TRIM59: variants seen among roughly 807,000 people sequenced by gnomAD.
TRIM59 encodes the protein tripartite motif containing 59.
A neutral mutation model predicts 32.2 loss-of-function variants in TRIM59; 14 were observed. The observed-to-expected ratio is 0.43, with a 90% CI of 0.29 to 0.68. TRIM59 has a LOEUF of 0.68. Ranked by LOEUF, TRIM59 falls within the 30% of genes least tolerant of loss-of-function variation. The pLI, the probability that TRIM59 is intolerant of heterozygous loss-of-function variation, is 0.15. For synonymous variants in TRIM59, 163 were observed against 155.1 expected, an observed-to-expected ratio of 1.05 and a Z score of -0.38; for missense variants, 471 against 463.3, an observed-to-expected ratio of 1.02 and a Z score of -0.15.
chr3:160,449,617 A>G (rs1719718323), intron 1 of TRIM59, 100 bp downstream of exon 1: 2 of 1,289,266 alleles, frequency 1.6e-6, no homozygotes, highest in Admixed American at 2.3e-5. Context: ...CGCCCCCAGG[A>G]CTCCCCGCCC....
Position 160,448,749 on chromosome 3 carries a change from G to T in TRIM59, c.-27C>A. ...ACTTTGTTGATCTCGTGGTTTGGGG[G>T]CTGAATACACTCTTCTCCAACTCCT... On this transcript the variant is annotated 5_prime_UTR_variant, in exon 2 of 3. Transcript: ENST00000309784. 7.8e-7 allele frequency: 1 copy of T among 1,280,504 alleles called. No individual in the cohort carries two copies. The highest frequency in any genetic ancestry group is 1.0e-6 in the Non-Finnish European group (1 of 984,654). The allele number at this position is 1,280,504 out of a possible 1,614,324, so 79.3% of individuals were successfully genotyped here. A position where few individuals can be genotyped will look rare whatever the true frequency, so the allele number is the denominator to read the frequency against.
In TRIM59 at chr3:160,436,572, GTGGATC is replaced by G. The variant is rs1718963573; in HGVS notation, c.*1394_*1399del. ...CCAGCATTTTGGGAGGCTGAGGCGA[GTGGATC>G]ATGAGGTCAGGAGATAGAGACCATC... On this transcript the variant is annotated 3_prime_UTR_variant, in exon 3 of 3. Transcript: ENST00000309784. 1.0e-6 allele frequency: 1 copy of G among 953,818 alleles called. No individual in the cohort carries two copies. The highest frequency in any genetic ancestry group is 1.8e-5 in the African/African-American group (1 of 56,716). The allele number at this position is 953,818 out of a possible 1,614,324, so 59.1% of individuals were successfully genotyped here.
rs1222267057 is a variant in TRIM59, at chr3:160,435,992, A to G, written c.*1980T>C. ...TCATTGCTTACGTGTTTTTGAAACTACAGGGCACTTTTATGGTGTGACTAG... is the reference window on the plus strand; with the variant it reads ...TCATTGCTTACGTGTTTTTGAAACTGCAGGGCACTTTTATGGTGTGACTAG... On this transcript the variant is annotated 3_prime_UTR_variant, in exon 3 of 3. Coordinates refer to ENST00000309784, the MANE Select transcript of TRIM59 (RefSeq NM_173084.3). 2.4e-6 allele frequency: 3 copies of G among 1,263,216 alleles called. No individual in the cohort carries two copies. The highest frequency in any genetic ancestry group is 3.1e-6 in the Non-Finnish European group (3 of 977,582). 78.3% of individuals were successfully genotyped at this position (1,263,216 alleles called of 1,614,324 possible).
At chr3:160,442,305 A>AT (rs1350648900) in intron 2 of TRIM59, among the ~76,000 whole-genome samples, 2 of 152,180 alleles carry the variant, frequency 1.3e-5, no homozygotes, top group Admixed American at 1.3e-4. Flanking sequence ...TATTCATGAC[A>AT]TTGTAAAGCA....
chr3:160,449,769 G>A lies in TRIM59; in HGVS notation c.-126C>T, dbSNP rs565045270. On this transcript the variant is annotated 5_prime_UTR_variant, in exon 1 of 3. Coordinates refer to ENST00000309784, the MANE Select transcript of TRIM59 (RefSeq NM_173084.3). ...CCACAGCACGGAAACACAGCGCCAC[G>A]AGCTCCAGGCGGATGCTGAGAGCCG... 1 of 1,278,106 alleles carries A rather than the reference G, an allele frequency of 7.8e-7. No homozygotes were observed. Among genetic ancestry groups the A allele is most frequent in the South Asian group, 1.2e-5 (1 of 80,818 alleles). 79.2% of individuals were successfully genotyped at this position (1,278,106 alleles called of 1,614,324 possible). A position where few individuals can be genotyped will look rare whatever the true frequency, so the allele number is the denominator to read the frequency against.
chr3:160,440,368 T>G (rs1719180190), intron 2 of TRIM59, among the ~76,000 whole-genome samples: 1 of 152,206 alleles, frequency 6.6e-6, no homozygotes, highest in Non-Finnish European at 1.5e-5. Flanking sequence ...CGTATTTCTC[T>G]GAGACAGAAA....
At chr3:160,440,824 T>C (rs1277357860) in intron 2 of TRIM59, among the ~76,000 whole-genome samples, 2 of 152,052 alleles carry the variant, frequency 1.3e-5, no homozygotes, top group African/African-American at 2.4e-5. Context: ...GACAGGAGAA[T>C]TGCTTGAACT....
intron 2 of TRIM59, 56 bp downstream of exon 2, chr3:160,448,670 C>A: frequency 9.9e-7 from 1 of 1,012,722 alleles, no homozygotes; most frequent in East Asian, 6.0e-5. Flanking sequence ...TTAAATCATA[C>A]ACTCTGTAAA....
At chr3:160,441,137 C>T (rs1719216818) in intron 2 of TRIM59, among the ~76,000 whole-genome samples, 1 of 152,138 alleles carries the variant, frequency 6.6e-6, no homozygotes, top group Non-Finnish European at 1.5e-5. Context: ...GATTAGGTCC[C>T]CTGTTATTCT....
At chr3:160,447,473 T>TTTC (rs1394002601) in intron 2 of TRIM59, among the ~76,000 whole-genome samples, 1 of 152,252 alleles carries the variant, frequency 6.6e-6, no homozygotes, top group Non-Finnish European at 1.5e-5. Context: ...CATTTCTGAA[T>TTTC]TTCCAAACTT....
In TRIM59 at chr3:160,436,052, T is replaced by A; in HGVS notation, c.*1920A>T. On this transcript the variant is annotated 3_prime_UTR_variant, in exon 3 of 3. Transcript: ENST00000309784. ...TAATCAGTGCAACTTAGTATTTTTA[T>A]CTCTAGCTGAGTATGTGTCTCTCCT... The A allele has an allele frequency of 1.7e-6, 2 of 1,178,854 alleles. No homozygotes were observed. The highest frequency in any genetic ancestry group is 1.7e-5 in the South Asian group (1 of 60,606). 73.0% of individuals were successfully genotyped at this position (1,178,854 alleles called of 1,614,324 possible).
rs1304570200 is a variant in TRIM59, at chr3:160,436,846, T to C, written c.*1126A>G. The C allele has an allele frequency of 3.3e-6, 3 of 915,196 alleles. No individual in the cohort carries two copies. The highest frequency in any genetic ancestry group is 6.2e-5 in the Admixed American group (1 of 16,094). The allele number at this position is 915,196 out of a possible 1,614,324, so 56.7% of individuals were successfully genotyped here. A position where few individuals can be genotyped will look rare whatever the true frequency, so the allele number is the denominator to read the frequency against. On this transcript the variant is annotated 3_prime_UTR_variant, in exon 3 of 3. Coordinates refer to ENST00000309784, the MANE Select transcript of TRIM59 (RefSeq NM_173084.3). ...AAAAAGATTAAGTTGTTGGTACTTT[T>C]GCATTAGCTTAAGGGAATGTGGTAG...
Position 160,437,206 on chromosome 3 carries a change from A to G in TRIM59, c.*766T>C, listed in dbSNP as rs572979242. On this transcript the variant is annotated 3_prime_UTR_variant, in exon 3 of 3. Coordinates refer to ENST00000309784, the MANE Select transcript of TRIM59 (RefSeq NM_173084.3). ...GTTTCTACAAAAAACAATTTTTTTA[A>G]TTAGCCAGGCATGGGGGTGTGTGCC... 3 of 587,148 alleles carry G rather than the reference A, an allele frequency of 5.1e-6. No individual in the cohort carries two copies. The African/African-American group carries it at 6.1e-5, about 12-fold the overall frequency. The allele number at this position is 587,148 out of a possible 1,614,324, so 36.4% of individuals were successfully genotyped here. A position where few individuals can be genotyped will look rare whatever the true frequency, so the allele number is the denominator to read the frequency against.
In TRIM59 at chr3:160,438,294, A is replaced by C; in HGVS notation, c.890T>G (p.Ile297Ser). The change falls in exon 3 of 3, where the codon ATT becomes AGT. Residue 297 changes from isoleucine (I) to serine (S), a missense_variant. Ile to Ser is a moderately radical substitution (Grantham distance 142, BLOSUM62 -2). Coordinates refer to ENST00000309784, the MANE Select transcript of TRIM59 (RefSeq NM_173084.3). ...EEWSRTEIGQ[I>S]KNVLIPKMKI... ...CATTTTGGGAATGAGAACGTTCTTA[A>C]TTTGTCCAATTTCTGTTCTGCTCCA... The C allele has an allele frequency of 6.2e-7, 1 of 1,613,702 alleles. No individual in the cohort carries two copies. The highest frequency in any genetic ancestry group is 8.5e-7 in the Non-Finnish European group (1 of 1,179,948).
At chr3:160,439,328 G>A in intron 2 of TRIM59, 142 bp from the exon 3 acceptor site, 1 of 646,556 alleles carries the variant, frequency 1.5e-6, no homozygotes, top group South Asian at 5.5e-5. Flanking sequence ...GAAGTTTTCT[G>A]AGTAATTCAT....
In TRIM59 at chr3:160,437,747, T is replaced by C; in HGVS notation, c.*225A>G. 1 of 1,199,062 alleles carries C rather than the reference T, an allele frequency of 8.3e-7. No homozygotes were observed. The highest frequency in any genetic ancestry group is 1.0e-6 in the Non-Finnish European group (1 of 967,856). The allele number at this position is 1,199,062 out of a possible 1,614,324, so 74.3% of individuals were successfully genotyped here. A position where few individuals can be genotyped will look rare whatever the true frequency, so the allele number is the denominator to read the frequency against. On this transcript the variant is annotated 3_prime_UTR_variant, in exon 3 of 3. Transcript: ENST00000309784. ...CATAAAGCCAATAAAAATGGGATAG[T>C]GTATTACTTTTCAAATTGTTACTAG...
Position 160,436,395 on chromosome 3 carries a change from C to T in TRIM59, c.*1577G>A. On this transcript the variant is annotated 3_prime_UTR_variant, in exon 3 of 3. Transcript: ENST00000309784. ...GCAAATCAACCTGCACTTAGAGTTG[C>T]ATGGACAGTGGGCCAAAAGTCGTAA... 1 of 986,024 alleles carries T rather than the reference C, an allele frequency of 1.0e-6. No homozygotes were observed. Among genetic ancestry groups the T allele is most frequent in the African/African-American group, 1.7e-5 (1 of 57,346 alleles). 61.1% of individuals were successfully genotyped at this position (986,024 alleles called of 1,614,324 possible). A position where few individuals can be genotyped will look rare whatever the true frequency, so the allele number is the denominator to read the frequency against.
Position 160,437,632 on chromosome 3 carries a change from T to G in TRIM59, c.*340A>C. 2.0e-6 allele frequency: 2 copies of G among 996,446 alleles called. No individual in the cohort carries two copies. Among genetic ancestry groups the G allele is most frequent in the Non-Finnish European group, 2.4e-6 (2 of 836,870 alleles). 61.7% of individuals were successfully genotyped at this position (996,446 alleles called of 1,614,324 possible). A position where few individuals can be genotyped will look rare whatever the true frequency, so the allele number is the denominator to read the frequency against. On this transcript the variant is annotated 3_prime_UTR_variant, in exon 3 of 3. Coordinates refer to ENST00000309784, the MANE Select transcript of TRIM59 (RefSeq NM_173084.3). ...ATTTTGCTATATATATAAAGAACTG[T>G]AAAGCCAATTAACTGCAGTATATAA...
intron 2 of TRIM59, among the ~76,000 whole-genome samples, chr3:160,443,644 T>C (rs1019275578): frequency 2.0e-5 from 3 of 151,796 alleles, no homozygotes; most frequent in Admixed American, 1.3e-4. Context: ...AAAAGACAGA[T>C]CTTTTTTTTT....
Sources: allele counts gnomAD v4.1 joint callset (sites outside exome capture counted in the v4.1 genomes callset), GRCh38; gene constraint gnomAD v4.1.1; transcripts MANE v1.5; gene names NCBI Gene and HGNC (gene_info 2026-07-23, HGNC 2026-07-21).